Variants in LRRC41 observed in about 807,000 individuals in gnomAD.
LRRC41 encodes leucine-rich repeat-containing protein 41.
Under a neutral mutation model 72.1 loss-of-function variants are expected in LRRC41, and 17 were observed. The ratio of observed to expected loss-of-function variants is 0.24; its 90% CI spans 0.16 to 0.35. The LOEUF (loss-of-function observed/expected upper bound fraction) is 0.35, where lower values mean the gene tolerates loss of function less well. LRRC41 is among the 10% of genes least tolerant of loss of function. The probability of loss-of-function intolerance (pLI) is 1.00; values close to 1 mark genes in which losing one functional copy is unlikely to be tolerated. For synonymous variants in LRRC41, 427 were observed against 431.0 expected (o/e 0.99, Z 0.11); for missense variants, 759 against 1,065.0 (o/e 0.71, Z 4.00).
In LRRC41 at chr1:46,285,382, C is replaced by T. The variant is rs754681706; in HGVS notation, c.1475G>A (p.Ser492Asn). The change falls in exon 4 of 10, where the codon AGC becomes AAC. Residue 492 changes from serine (S) to asparagine (N), a missense_variant. Coordinates refer to ENST00000617190, the MANE Select transcript of LRRC41 (RefSeq NM_006369.5). This position sits in a 1 kb window ranked among gnomAD's most constrained non-coding sequence, Gnocchi z 5.3. ...HLLSSWVSLE[S>N]LTLSYNGLGS... is the part of the protein sequence containing the mutation. ...CTCACCATTGTAGGAGAGTGTGAGGCTCTCCAGTGACACCCAGGAGCTCAG... is the reference window on the plus strand; with the variant it reads ...CTCACCATTGTAGGAGAGTGTGAGGTTCTCCAGTGACACCCAGGAGCTCAG... 6.2e-7 allele frequency: 1 copy of T among 1,614,140 alleles called. No individual in the cohort carries two copies. The highest frequency in any genetic ancestry group is 1.1e-5 in the South Asian group (1 of 91,054).
intron 6 of LRRC41, 45 bp from the exon 7 acceptor site, chr1:46,280,335 T>C (rs1660745510): frequency 6.2e-7 from 1 of 1,612,490 alleles, no homozygotes; most frequent in Non-Finnish European, 8.5e-7. Flanking sequence ...TTAGCTTTCC[T>C]AGAGAACAGT....
At position 46,280,129 on chromosome 1, in the gene LRRC41, CAG is replaced by C. The variant is rs750191199; in HGVS notation, c.2020+61_2020+62del. 11 of 1,266,626 alleles carry C rather than the reference CAG, an allele frequency of 8.7e-6. No individual in the cohort carries two copies. In the East Asian group the frequency reaches 2.3e-4, roughly 27 times the overall value. The allele number at this position is 1,266,626 out of a possible 1,614,324, so 78.5% of individuals were successfully genotyped here. A position where few individuals can be genotyped will look rare whatever the true frequency, so the allele number is the denominator to read the frequency against. On this transcript the variant is annotated intron_variant, in intron 7 of 9. Coordinates refer to ENST00000617190, the MANE Select transcript of LRRC41 (RefSeq NM_006369.5). ...AGAAAGGAACAGTGGTTTGCTCACT[CAG>C]ATTATGGCAGAACCATAGTGAAGAC...
intron 1 of LRRC41, 111 bp from the exon 2 acceptor site, chr1:46,298,481 A>C: frequency 1.6e-6 from 1 of 629,638 alleles, no homozygotes; most frequent in Non-Finnish European, 2.7e-6. Context: ...TAGACTTCTC[A>C]TTTGACAAAT....
At chr1:46,301,865 T>C in intron 1 of LRRC41, 2 of 649,146 alleles carry the variant, frequency 3.1e-6, no homozygotes, top group Non-Finnish European at 3.8e-6. Flanking sequence ...GCCTGCCACC[T>C]CTTCGCCCAA....
rs1426786533 is a variant in LRRC41 at position 46,280,479 on chromosome 1, G to A, written c.1838C>T (p.Ser613Leu). 5 of 1,614,060 alleles carry A rather than the reference G, an allele frequency of 3.1e-6. No individual in the cohort carries two copies. The highest frequency in any genetic ancestry group is 4.2e-6 in the Non-Finnish European group (5 of 1,180,032). Reference protein sequence around the residue: ...APLLCSVLKASGSLQQLSLDS... With the variant: ...APLLCSVLKALGSLQQLSLDS... ...CAGGGACAGCTGCTGCAGAGAACCC[G>A]AGGCCTTCAGAACGGAGCACAGCAG... The change falls in exon 6 of 10, where the codon TCG becomes TTG. Residue 613 changes from serine to leucine, a missense_variant. Transcript: ENST00000617190.
intron 3 of LRRC41, among the ~76,000 whole-genome samples, chr1:46,292,435 T>C (rs1661038774): frequency 6.6e-6 from 1 of 152,168 alleles, no homozygotes; most frequent in African/African-American, 2.4e-5. Context: ...TATTACCAGA[T>C]TGCCTACCAA....
rs1243945804 is a variant in LRRC41 at position 46,280,473 on chromosome 1, G to A, written c.1844C>T (p.Ser615Phe). Residue 615 changes from serine to phenylalanine, a missense_variant, in exon 6 of 10, where the codon TCT becomes TTT. By Grantham distance (155) the Ser-to-Phe change is radical. Transcript: ENST00000617190. ...LLCSVLKASG[S>F]LQQLSLDSAT... ...ACTATCCAGGGACAGCTGCTGCAGAGAACCCGAGGCCTTCAGAACGGAGCA... is the reference window on the plus strand; with the variant it reads ...ACTATCCAGGGACAGCTGCTGCAGAAAACCCGAGGCCTTCAGAACGGAGCA... 3.1e-6 allele frequency: 5 copies of A among 1,614,094 alleles called. No homozygotes were observed. The African/African-American group carries it at 4.0e-5, about 13-fold the overall frequency.
At chr1:46,284,306 A>G (rs1471830524) in intron 4 of LRRC41, 1 of 152,192 alleles carries the variant, frequency 6.6e-6, no homozygotes, top group Non-Finnish European at 1.5e-5. Context: ...GAAAGCATGA[A>G]TCTGCAGTCT....
At position 46,277,535 on chromosome 1, in the gene LRRC41, A is replaced by G. The variant is rs374467875; in HGVS notation, c.*1330T>C. ...TGGTGCAGAAATCTGAAGCTGCAGC[A>G]GACAAACCTCAGTTCACCCTGACGG... On this transcript the variant is annotated 3_prime_UTR_variant, in exon 10 of 10. Coordinates refer to ENST00000617190, the MANE Select transcript of LRRC41 (RefSeq NM_006369.5). The G allele has an allele frequency of 8.2e-4, 406 of 493,462 alleles. 1 individual carries two copies. Among genetic ancestry groups the G allele is most frequent in the African/African-American group, 6.6e-3 (341 of 51,820 alleles). The allele number at this position is 493,462 out of a possible 1,614,324, so 30.6% of individuals were successfully genotyped here.
Position 46,278,386 on chromosome 1 carries a change from C to A in LRRC41, c.*479G>T. 1 of 1,294,904 alleles carries A rather than the reference C, an allele frequency of 7.7e-7. No homozygotes were observed. The highest frequency in any genetic ancestry group is 1.1e-6 in the Non-Finnish European group (1 of 917,414). 80.2% of individuals were successfully genotyped at this position (1,294,904 alleles called of 1,614,324 possible). On this transcript the variant is annotated 3_prime_UTR_variant, in exon 10 of 10. Coordinates refer to ENST00000617190, the MANE Select transcript of LRRC41 (RefSeq NM_006369.5). ...ATTTTGTTCTCTGGGAGAAAATCAT[C>A]AAGAAGGGCTGCATGATGTTTGCCC... is the stretch of plus-strand genomic sequence containing the variant.
chr1:46,295,164 A>G (rs905340747), intron 3 of LRRC41, among the ~76,000 whole-genome samples: 3 of 151,822 alleles, frequency 2.0e-5, no homozygotes, highest in African/African-American at 7.3e-5. Context: ...GGCTCAGGTG[A>G]TCCTCCTACC....
At position 46,279,445 on chromosome 1, in the gene LRRC41, A is replaced by C; in HGVS notation, c.2143+47T>G. 1.9e-6 allele frequency: 3 copies of C among 1,614,016 alleles called. No individual in the cohort carries two copies. Among genetic ancestry groups the C allele is most frequent in the Non-Finnish European group, 2.5e-6 (3 of 1,179,952 alleles). On this transcript the variant is annotated intron_variant, in intron 8 of 9. Coordinates refer to ENST00000617190, the MANE Select transcript of LRRC41 (RefSeq NM_006369.5). This position sits in a 1 kb window ranked among gnomAD's most constrained non-coding sequence, Gnocchi z 4.5. ...CTTTATCCAGTGAGTTTTTAGGTCA[A>C]AGGCCTAGCTCCTTTCCCCTCTCCC...
rs1012096618 is a variant in LRRC41 at position 46,298,373 on chromosome 1, A to G, written c.200-3T>C. 6.2e-7 allele frequency: 1 copy of G among 1,600,466 alleles called. No individual in the cohort carries two copies. Among genetic ancestry groups the G allele is most frequent in the African/African-American group, 1.3e-5 (1 of 74,576 alleles). ...TTGAAGTATTGGGCCTGGGAGGGCTACAAAAATCAAAACAAAAGTTTACTT... is the reference window on the plus strand; with the variant it reads ...TTGAAGTATTGGGCCTGGGAGGGCTGCAAAAATCAAAACAAAAGTTTACTT... On this transcript the variant is annotated splice_polypyrimidine_tract_variant and splice_region_variant and intron_variant, in intron 1 of 9. Transcript: ENST00000617190.
rs532799022 is a variant in LRRC41, at chr1:46,303,066, C to T, written c.199+58G>A. ...TCCCGGCCTCGCCCCCCGCGCCCCC[C>T]GGCCGCTGGGCCGCCCCTTGCTCTT... On this transcript the variant is annotated intron_variant, in intron 1 of 9. Coordinates refer to ENST00000617190, the MANE Select transcript of LRRC41 (RefSeq NM_006369.5). The T allele has an allele frequency of 1.1e-4, 144 of 1,342,514 alleles. 1 individual carries two copies. The South Asian group carries it at 2.5e-3, about 23-fold the overall frequency. The allele number at this position is 1,342,514 out of a possible 1,614,324, so 83.2% of individuals were successfully genotyped here.
chr1:46,290,931 T>TG lies in LRRC41; in HGVS notation c.358-4433_358-4432insC, dbSNP rs1557716712. ...CCTGTTTCTAGTTTTTTTTTTTTTT[T>TG]TTTTTTTTTTTTTAAGACATTCCTG... On this transcript the variant is annotated intron_variant, in intron 3 of 9. Transcript: ENST00000617190. Among the ~76,000 whole-genome samples, 369 of 145,596 alleles carry TG rather than the reference T, an allele frequency of 2.5e-3. 5 individuals are homozygous for TG. The highest frequency in any genetic ancestry group is 8.1e-3 in the African/African-American group (324 of 39,878).
chr1:46,279,449 C>T lies in LRRC41; in HGVS notation c.2143+43G>A. ...ATCCAGTGAGTTTTTAGGTCAAAGG[C>T]CTAGCTCCTTTCCCCTCTCCCTCCC... On this transcript the variant is annotated intron_variant, in intron 8 of 9. Transcript: ENST00000617190. The surrounding 1 kb of genome is among the most constrained non-coding windows in gnomAD (Gnocchi z 4.5). 2 of 1,614,096 alleles carry T rather than the reference C, an allele frequency of 1.2e-6. No individual in the cohort carries two copies. Among genetic ancestry groups the T allele is most frequent in the Non-Finnish European group, 1.7e-6 (2 of 1,179,986 alleles).
rs1661248567 is a variant in LRRC41, at chr1:46,302,182, C to T, written c.199+942G>A. 3.0e-6 allele frequency: 3 copies of T among 985,282 alleles called. No individual in the cohort carries two copies. Among genetic ancestry groups the T allele is most frequent in the South Asian group, 4.7e-5 (1 of 21,296 alleles). 61.0% of individuals were successfully genotyped at this position (985,282 alleles called of 1,614,324 possible). A position where few individuals can be genotyped will look rare whatever the true frequency, so the allele number is the denominator to read the frequency against. Reference sequence around the variant, plus strand: ...CCCGGCCGCCTTCAGGCCTGGGGCCCCCGTTCACTCCCATTCAGCCCAAGG... The same window carrying T: ...CCCGGCCGCCTTCAGGCCTGGGGCCTCCGTTCACTCCCATTCAGCCCAAGG... On this transcript the variant is annotated intron_variant, in intron 1 of 9. Coordinates refer to ENST00000617190, the MANE Select transcript of LRRC41 (RefSeq NM_006369.5). The surrounding 1 kb of genome is among the most constrained non-coding windows in gnomAD (Gnocchi z 4.7).
Position 46,280,537 on chromosome 1 carries a change from T to C in LRRC41, c.1780A>G (p.Met594Val). 2 of 1,613,984 alleles carry C rather than the reference T, an allele frequency of 1.2e-6. No homozygotes were observed. The highest frequency in any genetic ancestry group is 1.7e-6 in the Non-Finnish European group (2 of 1,180,022). The change falls in exon 6 of 10, where the codon ATG (methionine) becomes GTG (valine). Residue 594 changes from methionine to valine, a missense_variant. By Grantham distance (21) the Met-to-Val change is conservative. This residue lies in a region of LRRC41 where 427 missense variants were observed against 520.9 expected (regional missense o/e 0.82). Coordinates refer to ENST00000617190, the MANE Select transcript of LRRC41 (RefSeq NM_006369.5). ...GGCTGGGCTCCCCGTGGAAATCCCATCTCCAACTGCTCCAGGCAGTTTTCT... is the reference window on the plus strand; with the variant it reads ...GGCTGGGCTCCCCGTGGAAATCCCACCTCCAACTGCTCCAGGCAGTTTTCT... ...IPENCLEQLE[M>V]GFPRGAQPAP...
Position 46,303,194 on chromosome 1 carries a change from G to T in LRRC41, c.129C>A (p.Pro43=). 1.3e-6 allele frequency: 2 copies of T among 1,572,626 alleles called. No homozygotes were observed. Among genetic ancestry groups the T allele is most frequent in the East Asian group, 4.7e-5 (2 of 42,894 alleles). Reference sequence around the variant, plus strand: ...GCCCGCACAGCTCGAACAGGGCGGGGGGAGCGTTGGGGCCCGAGGCCGAGC... The same window carrying T: ...GCCCGCACAGCTCGAACAGGGCGGGTGGAGCGTTGGGGCCCGAGGCCGAGC... ...AKSSASGPNA[P]PALFELCGRA... Residue 43 remains proline, a synonymous_variant, in exon 1 of 10, where the codon CCC becomes CCA. Coordinates refer to ENST00000617190, the MANE Select transcript of LRRC41 (RefSeq NM_006369.5).
Sources: gnomAD v4.1 joint callset for allele counts (sites outside exome capture counted in the v4.1 genomes callset) on GRCh38, gnomAD v4.1.1 for gene constraint, gnomAD v4.1.1 regional missense constraint, Gnocchi (gnomAD v3.1) non-coding constraint, MANE v1.5 for transcripts, NCBI Gene and HGNC (gene_info 2026-07-23, HGNC 2026-07-21) for gene names.